Variants in TMEM170A observed in about 807,000 individuals in gnomAD.
TMEM170A encodes the protein transmembrane protein 170A, also known as transmembrane protein 170.
A neutral mutation model predicts 12.8 loss-of-function variants in TMEM170A; 18 were observed. That is an observed-to-expected ratio of 1.41 (90% CI 0.97 to 2.09). TMEM170A has a LOEUF of 2.09. TMEM170A is among the 30% of genes most tolerant of loss of function. The pLI, the probability that TMEM170A is intolerant of heterozygous loss-of-function variation, is 0.00. For missense variants in TMEM170A, 220 were observed against 179.9 expected, an observed-to-expected ratio of 1.22 and a Z score of -1.28; for synonymous variants, 107 against 76.2, an observed-to-expected ratio of 1.40 and a Z score of -2.11.
At chr16:75,457,175 AAGCTCTGCTTTCTGC>A in intron 1 of TMEM170A, among the ~76,000 whole-genome samples, 1 of 152,202 alleles carries the variant, frequency 6.6e-6, no homozygotes, top group Non-Finnish European at 1.5e-5. Context: ...TTTTAGAGAG[AAGCTCTGCTTTCTGC>A]AGTAACTCAA....
chr16:75,456,984 C>T (rs1471467455), intron 1 of TMEM170A, among the ~76,000 whole-genome samples: 2 of 152,224 alleles, frequency 1.3e-5, no homozygotes, highest in African/African-American at 2.4e-5. Context: ...TACCCCAACA[C>T]CTAGTCTACA....
rs187359071 is a variant in TMEM170A, at chr16:75,453,131, C to A, written c.134-1292G>T. Among the ~76,000 whole-genome samples, 9 of 152,206 alleles carry A rather than the reference C, an allele frequency of 5.9e-5. No individual in the cohort carries two copies. The South Asian group carries it at 1.5e-3, about 25-fold the overall frequency. On this transcript the variant is annotated intron_variant, in intron 1 of 2. Transcript: ENST00000561878. ...GGTTCATCTAGATTTCAAAATTGACCTAAATAATGTCCCCGACCATAACTG... is the reference window on the plus strand; with the variant it reads ...GGTTCATCTAGATTTCAAAATTGACATAAATAATGTCCCCGACCATAACTG...
Position 75,464,607 on chromosome 16 carries a change from G to A in TMEM170A, c.-7C>T. The A allele has an allele frequency of 6.3e-7, 1 of 1,581,638 alleles. No individual in the cohort carries two copies. The highest frequency in any genetic ancestry group is 8.6e-7 in the Non-Finnish European group (1 of 1,167,090). ...CGCTCCCCTCGCGCTCCATCCCGTC[G>A]CCATTCACCACAGAGAAATGAGGGA... On this transcript the variant is annotated 5_prime_UTR_variant, in exon 1 of 3. Coordinates refer to ENST00000561878, the MANE Select transcript of TMEM170A (RefSeq NM_145254.3).
chr16:75,455,140 G>C (rs984157568), intron 1 of TMEM170A, among the ~76,000 whole-genome samples: 3 of 152,082 alleles, frequency 2.0e-5, no homozygotes, highest in African/African-American at 4.8e-5. Context: ...GGCAGATCAC[G>C]AGGTCAGAAG....
intron 1 of TMEM170A, 119 bp downstream of exon 1, chr16:75,464,349 G>T: frequency 3.0e-6 from 4 of 1,337,114 alleles, no homozygotes; most frequent in Non-Finnish European, 3.8e-6. Context: ...CCTCCCGGAG[G>T]ACAGCGCCCA....
chr16:75,461,454 CAT>C (rs1291182127), intron 1 of TMEM170A, among the ~76,000 whole-genome samples: 2 of 152,188 alleles, frequency 1.3e-5, no homozygotes, highest in African/African-American at 4.8e-5. Context: ...TCCTGGTATA[CAT>C]AAATATGTCA....
intron 2 of TMEM170A, among the ~76,000 whole-genome samples, chr16:75,450,921 C>T (rs199802364): frequency 6.6e-6 from 1 of 152,100 alleles, no homozygotes; most frequent in East Asian, 1.9e-4. Context: ...CTCTGCCTCC[C>T]AAAGTGCTGG....
rs558954202 is a variant in TMEM170A at position 75,450,701 on chromosome 16, C to A, written c.304+968G>T. Among the ~76,000 whole-genome samples, 35 of 152,230 alleles carry A rather than the reference C, an allele frequency of 2.3e-4. No homozygotes were observed. In the South Asian group the frequency reaches 5.8e-3, roughly 25 times the overall value. On this transcript the variant is annotated intron_variant, in intron 2 of 2. Coordinates refer to ENST00000561878, the MANE Select transcript of TMEM170A (RefSeq NM_145254.3). The stretch of plus-strand genomic sequence containing the variant: ...CCCGGGTCTTGCTCTGTGGCCCAGG[C>A]TGGAGTGCTGTGGTGTGATCACGAC...
chr16:75,461,836 A>G (rs2079913873), intron 1 of TMEM170A, among the ~76,000 whole-genome samples: 1 of 152,230 alleles, frequency 6.6e-6, no homozygotes, highest in Non-Finnish European at 1.5e-5. Flanking sequence ...AGTAATCATA[A>G]ACTCAAGAAC....
chr16:75,464,479 C>T lies in TMEM170A; in HGVS notation c.122G>A (p.Cys41Tyr), dbSNP rs754978232. The stretch of plus-strand genomic sequence containing the variant: ...GGGGCGGGCCGTACCTGGGAAGGAG[C>T]AGAGGGAAGTAGAGTTGGGGCACAG... The part of the protein sequence containing the change: ...GTLCPNSTSL[C>Y]SFPEMWYGVF... Residue 41 changes from cysteine to tyrosine, a missense_variant, in exon 1 of 3, where the codon TGC becomes TAC. Coordinates refer to ENST00000561878, the MANE Select transcript of TMEM170A (RefSeq NM_145254.3). 5 of 1,548,956 alleles carry T rather than the reference C, an allele frequency of 3.2e-6. No individual in the cohort carries two copies. In the African/African-American group the frequency reaches 7.1e-5, roughly 22 times the overall value.
rs2079596837 is a variant in TMEM170A at position 75,446,951 on chromosome 16, T to C, written c.*607A>G. The C allele has an allele frequency of 6.6e-6, 1 of 152,232 alleles. No homozygotes were observed. The highest frequency in any genetic ancestry group is 2.4e-5 in the African/African-American group (1 of 41,466). 9.4% of individuals were successfully genotyped at this position (152,232 alleles called of 1,614,324 possible). On this transcript the variant is annotated 3_prime_UTR_variant, in exon 3 of 3. Coordinates refer to ENST00000561878, the MANE Select transcript of TMEM170A (RefSeq NM_145254.3). Reference sequence around the variant, plus strand: ...GACAGTTGTCCAGAAAATGTCACATTATTCATTGTTATCTACTTTTTATTT... The same window carrying C: ...GACAGTTGTCCAGAAAATGTCACATCATTCATTGTTATCTACTTTTTATTT...
chr16:75,452,157 G>C (rs1354265223), intron 1 of TMEM170A, among the ~76,000 whole-genome samples: 3 of 151,770 alleles, frequency 2.0e-5, no homozygotes, highest in Non-Finnish European at 4.4e-5. Context: ...ATTTTTAGTA[G>C]AGACGGGGTT....
intron 2 of TMEM170A, among the ~76,000 whole-genome samples, chr16:75,449,036 G>C (rs893637377): frequency 1.3e-5 from 2 of 151,844 alleles, no homozygotes; most frequent in African/African-American, 4.8e-5. Flanking sequence ...ACTCCAGCCT[G>C]GGTGACAGAA....
chr16:75,450,578 T>C (rs2079664854), intron 2 of TMEM170A, among the ~76,000 whole-genome samples: 1 of 152,124 alleles, frequency 6.6e-6, no homozygotes, highest in Non-Finnish European at 1.5e-5. Context: ...ATTCATAACA[T>C]CATGTTACTC....
chr16:75,451,038 C>G (rs1188289393), intron 2 of TMEM170A, among the ~76,000 whole-genome samples: 1 of 152,146 alleles, frequency 6.6e-6, no homozygotes, highest in Non-Finnish European at 1.5e-5. Context: ...ATTCACCAAC[C>G]ATCTTGCAGG....
intron 1 of TMEM170A, chr16:75,464,143 G>A (rs1049238562): frequency 1.5e-5 from 20 of 1,341,118 alleles, no homozygotes; most frequent in Non-Finnish European, 1.9e-5. Context: ...CCGGGCTCGT[G>A]GGGTGCAGCT....
intron 1 of TMEM170A, among the ~76,000 whole-genome samples, chr16:75,454,297 G>C (rs1246389480): frequency 2.6e-5 from 4 of 152,208 alleles, no homozygotes; most frequent in Non-Finnish European, 5.9e-5. Context: ...TAAAAACCAC[G>C]GGCTTTACCA....
chr16:75,444,418 T>G lies in TMEM170A; in HGVS notation c.*3140A>C, dbSNP rs964901970. On this transcript the variant is annotated 3_prime_UTR_variant, in exon 3 of 3. Coordinates refer to ENST00000561878, the MANE Select transcript of TMEM170A (RefSeq NM_145254.3). ...TTGCAGTGAGCCGAGATCATGCCAC[T>G]GCACTCCAGCCTGGGCGACAGAGCA... The G allele has an allele frequency of 3.9e-5, 6 of 152,154 alleles. No homozygotes were observed. Among genetic ancestry groups the G allele is most frequent in the African/African-American group, 1.4e-4 (6 of 41,422 alleles). The allele number at this position is 152,154 out of a possible 1,614,324, so 9.4% of individuals were successfully genotyped here.
chr16:75,453,413 A>G (rs957769276), intron 1 of TMEM170A, among the ~76,000 whole-genome samples: 1 of 152,200 alleles, frequency 6.6e-6, no homozygotes, highest in Non-Finnish European at 1.5e-5. Context: ...CTGCCTGGGC[A>G]ACAGGGTGAG....
Sources: allele counts gnomAD v4.1 joint callset (sites outside exome capture counted in the v4.1 genomes callset), GRCh38; gene constraint gnomAD v4.1.1; transcripts MANE v1.5; gene names NCBI Gene and HGNC (gene_info 2026-07-23, HGNC 2026-07-21).